The following EPHB1 variants were observed in gnomAD, a reference collection of about 807,000 sequenced individuals.
The protein encoded by EPHB1 is EPH receptor B1.
A neutral mutation model predicts 94.4 loss-of-function variants in EPHB1; 30 were observed. That is an observed-to-expected ratio of 0.32 (90% CI 0.24 to 0.43). EPHB1 has a LOEUF of 0.43. EPHB1 is among the 20% of genes least tolerant of loss of function. The pLI, the probability that EPHB1 is intolerant of heterozygous loss-of-function variation, is 1.00. For missense variants in EPHB1, 1,055 were observed against 1,308.3 expected, an observed-to-expected ratio of 0.81 and a Z score of 2.99; for synonymous variants, 522 against 489.1, an observed-to-expected ratio of 1.07 and a Z score of -0.89.
intron 5 of EPHB1, among the ~76,000 whole-genome samples, chr3:135,137,208 T>G (rs1173483758): frequency 1.3e-5 from 2 of 152,028 alleles, no homozygotes; most frequent in East Asian, 3.9e-4. Context: ...AGGCAGGTAA[T>G]GGAGAGGAGC....
intron 4 of EPHB1, among the ~76,000 whole-genome samples, chr3:135,130,134 G>T (rs911477763): frequency 1.1e-4 from 17 of 152,122 alleles, no homozygotes; most frequent in Non-Finnish European, 1.8e-4. Context: ...CAATGTTGGA[G>T]AATTAATTAG....
intron 3 of EPHB1, among the ~76,000 whole-genome samples, chr3:134,963,791 G>A (rs936323): frequency 0.49 from 74,114 of 152,060 alleles, 18,771 homozygotes; most frequent in African/African-American, 0.6. Context: ...TCAGCATTCC[G>A]TTTGGACTAA....
intron 3 of EPHB1, among the ~76,000 whole-genome samples, chr3:134,955,922 C>T (rs1933250922): frequency 6.6e-6 from 1 of 152,208 alleles, no homozygotes; most frequent in Non-Finnish European, 1.5e-5. Flanking sequence ...TCCCTTCTCC[C>T]CTCTTCCCTG....
At chr3:135,050,449 C>G (rs1013548502) in intron 3 of EPHB1, among the ~76,000 whole-genome samples, 10 of 152,148 alleles carry the variant, frequency 6.6e-5, no homozygotes, top group Admixed American at 6.5e-4. Flanking sequence ...GCAACACTGA[C>G]AAGTGTTGTG....
intron 1 of EPHB1, among the ~76,000 whole-genome samples, chr3:134,912,753 G>A (rs967268273): frequency 1.3e-5 from 2 of 152,246 alleles, no homozygotes; most frequent in African/African-American, 2.4e-5. Flanking sequence ...CACTGACATG[G>A]TCTGGCCAGT....
At chr3:134,808,242 C>T (rs1320922724) in intron 1 of EPHB1, among the ~76,000 whole-genome samples, 2 of 152,194 alleles carry the variant, frequency 1.3e-5, no homozygotes, top group Non-Finnish European at 2.9e-5. Context: ...TTCTCGCTCC[C>T]CGTAGCTCTA....
intron 4 of EPHB1, among the ~76,000 whole-genome samples, chr3:135,125,204 T>C (rs2096396686): frequency 6.6e-6 from 1 of 151,608 alleles, no homozygotes; most frequent in South Asian, 2.1e-4. Context: ...TGGTAACTTA[T>C]TCCTCGTTTC....
intron 1 of EPHB1, 104 bp downstream of exon 1, chr3:134,795,793 C>A: frequency 7.9e-7 from 1 of 1,269,166 alleles, no homozygotes; most frequent in South Asian, 1.2e-5. Context: ...GCGGTGCAGG[C>A]ATCCCGGGAC....
Position 135,260,284 on chromosome 3 carries a change from G to A in EPHB1, c.*1164G>A, listed in dbSNP as rs188439699. The A allele has an allele frequency of 3.1e-4, 72 of 233,034 alleles. No individual in the cohort carries two copies. The East Asian group carries it at 4.1e-3, about 13-fold the overall frequency. The allele number at this position is 233,034 out of a possible 1,614,324, so 14.4% of individuals were successfully genotyped here. A position where few individuals can be genotyped will look rare whatever the true frequency, so the allele number is the denominator to read the frequency against. On this transcript the variant is annotated 3_prime_UTR_variant, in exon 16 of 16. Coordinates refer to ENST00000398015, the MANE Select transcript of EPHB1 (RefSeq NM_004441.5). The stretch of plus-strand genomic sequence containing the variant: ...GACTGGCTTAAGCCGTGTGGCATCC[G>A]AGGAATGTTTCAAATGTGTCTGTGT...
intron 12 of EPHB1, among the ~76,000 whole-genome samples, chr3:135,229,199 T>A (rs1501218): frequency 4.6e-5 from 7 of 152,142 alleles, no homozygotes; most frequent in East Asian, 1.9e-4. Flanking sequence ...GTGGAGCAGC[T>A]CCGTCAGCAC....
intron 7 of EPHB1, among the ~76,000 whole-genome samples, chr3:135,165,165 A>G (rs928343035): frequency 3.9e-5 from 6 of 152,248 alleles, no homozygotes; most frequent in Admixed American, 1.3e-4. Flanking sequence ...AATTATTTGT[A>G]TAGATTAAAG....
chr3:135,124,197 G>T (rs1271292140), intron 4 of EPHB1, among the ~76,000 whole-genome samples: 1 of 151,598 alleles, frequency 6.6e-6, no homozygotes, highest in Non-Finnish European at 1.5e-5. Flanking sequence ...CCTTTGGGCT[G>T]GGGAACACTC....
chr3:134,840,462 A>G (rs1007097687), intron 1 of EPHB1: 1 of 152,156 alleles, frequency 6.6e-6, no homozygotes, highest in Non-Finnish European at 1.5e-5. Flanking sequence ...ACAGCTCTGT[A>G]TCGGCCAAAT....
intron 3 of EPHB1, among the ~76,000 whole-genome samples, chr3:134,990,734 T>C (rs1934766801): frequency 6.6e-6 from 1 of 152,224 alleles, no homozygotes; most frequent in Non-Finnish European, 1.5e-5. Context: ...TGGTACCTAC[T>C]ACACTGTAAA....
intron 5 of EPHB1, among the ~76,000 whole-genome samples, chr3:135,144,297 C>G (rs746918447): frequency 1.3e-5 from 2 of 152,172 alleles, no homozygotes; most frequent in Non-Finnish European, 2.9e-5. Context: ...CCTCAGATGC[C>G]CTGTCAAACT....
rs566952516 is a variant in EPHB1, at chr3:135,039,506, T to C, written c.806-66942T>C. On this transcript the variant is annotated intron_variant, in intron 3 of 15. Transcript: ENST00000398015. ...GTGCTCCCGTCGGGGAGGCTCGGGC[T>C]GCACAGGAGCCCACGGAGTGGGTGG... 2.5e-3 allele frequency among the ~76,000 whole-genome samples: 376 copies of C among 152,316 alleles called. 1 individual carries two copies. The highest frequency in any genetic ancestry group is 3.8e-3 in the Non-Finnish European group (259 of 68,012).
intron 3 of EPHB1, among the ~76,000 whole-genome samples, chr3:134,985,024 G>A (rs1028010482): frequency 2.0e-5 from 3 of 152,126 alleles, no homozygotes; most frequent in African/African-American, 7.2e-5. Context: ...CTGATGTAAG[G>A]TTTTCCGTTG....
chr3:135,226,742 C>A (rs1398762072), intron 12 of EPHB1, among the ~76,000 whole-genome samples: 7 of 151,948 alleles, frequency 4.6e-5, no homozygotes, highest in Admixed American at 6.6e-5. Flanking sequence ...GTTGGCCTAT[C>A]TGAAGAAAGA....
intron 1 of EPHB1, among the ~76,000 whole-genome samples, chr3:134,870,772 C>T (rs1205551799): frequency 6.6e-6 from 1 of 152,218 alleles, no homozygotes; most frequent in Non-Finnish European, 1.5e-5. Flanking sequence ...AAACGAAATG[C>T]GAATCACCAA....
Sources: allele counts gnomAD v4.1 joint callset (sites outside exome capture counted in the v4.1 genomes callset), GRCh38; gene constraint gnomAD v4.1.1; transcripts MANE v1.5; gene names NCBI Gene and HGNC (gene_info 2026-07-23, HGNC 2026-07-21).